Variants in SPIDR observed in about 807,000 individuals in gnomAD.
SPIDR encodes scaffold protein involved in DNA repair.
SPIDR carries 93 observed loss-of-function variants against 104.6 expected under a neutral mutation model. That is an observed-to-expected ratio of 0.89 (90% CI 0.75 to 1.06). The LOEUF (loss-of-function observed/expected upper bound fraction) is 1.06, where lower values mean the gene tolerates loss of function less well. Ranked by LOEUF, SPIDR falls within the 50% of genes least tolerant of loss-of-function variation. SPIDR has a pLI of 0.00. For missense variants in SPIDR, 1,154 were observed against 1,111.2 expected, an observed-to-expected ratio of 1.04 and a Z score of -0.55; for synonymous variants, 431 against 416.9, an observed-to-expected ratio of 1.03 and a Z score of -0.41.
In SPIDR at chr8:47,575,517, G is replaced by C. The variant is rs1233670985; in HGVS notation, c.1098-20294G>C. 2.0e-5 allele frequency among the ~76,000 whole-genome samples: 3 copies of C among 151,334 alleles called. No individual in the cohort carries two copies. The East Asian group carries it at 5.9e-4, about 30-fold the overall frequency. ...AAAAAATTAGCCGGGCGTGGTAGTG[G>C]GCGCCTGTAGTCCCAGCTACTCAGG... On this transcript the variant is annotated intron_variant, in intron 8 of 19. Coordinates refer to ENST00000297423, the MANE Select transcript of SPIDR (RefSeq NM_001080394.4).
intron 10 of SPIDR, among the ~76,000 whole-genome samples, chr8:47,673,155 A>C (rs2076005206): frequency 6.6e-6 from 1 of 152,238 alleles, no homozygotes; most frequent in South Asian, 2.1e-4. Context: ...AAATAAGAGG[A>C]TTGGAAATTC....
intron 8 of SPIDR, among the ~76,000 whole-genome samples, chr8:47,478,910 A>G (rs1473540185): frequency 6.6e-6 from 1 of 152,248 alleles, no homozygotes; most frequent in Non-Finnish European, 1.5e-5. Flanking sequence ...GTGTTTAATT[A>G]GCAGAGGCAC....
chr8:47,732,329 GCA>G (rs1483513094), intron 19 of SPIDR: 1 of 643,546 alleles, frequency 1.6e-6, no homozygotes, highest in Non-Finnish European at 2.8e-6. Context: ...GTGCATCAGA[GCA>G]CCTTTGCCCA....
intron 2 of SPIDR, among the ~76,000 whole-genome samples, chr8:47,282,919 G>A (rs2038088046): frequency 6.6e-6 from 1 of 151,440 alleles, no homozygotes; most frequent in African/African-American, 2.4e-5. Context: ...GCAATGGTGC[G>A]ATATTGGCTC....
Position 47,727,213 on chromosome 8 carries a change from C to T in SPIDR, c.2355C>T (p.Gly785=), listed in dbSNP as rs1006934478. The change falls in exon 17 of 20, where the codon GGC becomes GGT. Residue 785 remains glycine (G), a synonymous_variant. Transcript: ENST00000297423. ...SICSVQGTVV[G]VDESTAFSWP... ...TCTTGGGCCTAGGCACTGTGGTTGGCGTGGACGAGAGCACTGCTTTCTCAT... is the reference window on the plus strand; with the variant it reads ...TCTTGGGCCTAGGCACTGTGGTTGGTGTGGACGAGAGCACTGCTTTCTCAT... 48 of 1,614,034 alleles carry T rather than the reference C, an allele frequency of 3.0e-5. No homozygotes were observed. Among genetic ancestry groups the T allele is most frequent in the Non-Finnish European group, 3.8e-5 (45 of 1,179,972 alleles).
chr8:47,413,284 T>G (rs968008835), intron 7 of SPIDR, among the ~76,000 whole-genome samples: 2 of 152,252 alleles, frequency 1.3e-5, no homozygotes, highest in Non-Finnish European at 2.9e-5. Context: ...GCTAATTCTG[T>G]GAGGACTCTT....
chr8:47,417,941 T>C (rs914340254), intron 7 of SPIDR, among the ~76,000 whole-genome samples: 1 of 152,194 alleles, frequency 6.6e-6, no homozygotes, highest in Non-Finnish European at 1.5e-5. Context: ...TGTAGATATG[T>C]GGCATTATTT....
At chr8:47,471,469 G>T (rs183538553) in intron 8 of SPIDR, among the ~76,000 whole-genome samples, 3 of 151,868 alleles carry the variant, frequency 2.0e-5, no homozygotes, top group East Asian at 3.9e-4. Context: ...AATCAAAGCC[G>T]CAATGAAATA....
At chr8:47,582,835 CA>C (rs1564393918) in intron 8 of SPIDR, among the ~76,000 whole-genome samples, 1 of 121,410 alleles carries the variant, frequency 8.2e-6, no homozygotes, top group Non-Finnish European at 1.6e-5. Context: ...ATTACACACA[CA>C]CACACACACA....
intron 8 of SPIDR, chr8:47,592,636 G>C: frequency 9.3e-7 from 1 of 1,072,954 alleles, no homozygotes; most frequent in South Asian, 1.4e-5. Flanking sequence ...TCGGCCTCTG[G>C]TCTAGTCTCC....
intron 10 of SPIDR, chr8:47,659,754 T>G: frequency 1.0e-6 from 1 of 982,864 alleles, no homozygotes; most frequent in Non-Finnish European, 1.2e-6. Flanking sequence ...CACTTCATCC[T>G]CTGATTTCTT....
At chr8:47,457,805 C>T (rs1554710727) in intron 8 of SPIDR, among the ~76,000 whole-genome samples, 1 of 152,126 alleles carries the variant, frequency 6.6e-6, no homozygotes, top group East Asian at 1.9e-4. Flanking sequence ...CATTGTCTTA[C>T]ATTTGGCTTG....
chr8:47,675,452 A>T (rs896397107), intron 11 of SPIDR, among the ~76,000 whole-genome samples: 8 of 152,236 alleles, frequency 5.3e-5, no homozygotes, highest in African/African-American at 1.9e-4. Context: ...AAGCATGTCT[A>T]GATACGAGAA....
intron 5 of SPIDR, among the ~76,000 whole-genome samples, chr8:47,370,439 ATTTTTT>A (rs34220804): frequency 1.3e-4 from 13 of 99,078 alleles, no homozygotes; most frequent in Admixed American, 2.4e-4. Context: ...AGAGGTCAAG[ATTTTTT>A]TTTTTTTTTT....
intron 8 of SPIDR, among the ~76,000 whole-genome samples, chr8:47,488,489 T>C (rs990257174): frequency 2.6e-5 from 4 of 152,178 alleles, no homozygotes; most frequent in Admixed American, 2.0e-4. Flanking sequence ...GGAATCCTCC[T>C]TAACTTATTT....
In SPIDR at chr8:47,662,636, A is replaced by T. The variant is rs560934468; in HGVS notation, c.1545-11165A>T. ...TTCCAAGAGAAAATAATTTTTATCAAATTTTTAATTTTTCATAAATATGTT... is the reference window on the plus strand; with the variant it reads ...TTCCAAGAGAAAATAATTTTTATCATATTTTTAATTTTTCATAAATATGTT... On this transcript the variant is annotated intron_variant, in intron 10 of 19. Transcript: ENST00000297423. 1.1e-4 allele frequency among the ~76,000 whole-genome samples: 17 copies of T among 152,344 alleles called. No individual in the cohort carries two copies. In the South Asian group the frequency reaches 3.5e-3, roughly 32 times the overall value.
At chr8:47,405,291 CGTGTGTGTGTGT>C (rs34302817) in intron 6 of SPIDR, among the ~76,000 whole-genome samples, 8 of 145,004 alleles carry the variant, frequency 5.5e-5, no homozygotes, top group South Asian at 2.2e-4. Context: ...CAACATGGCA[CGTGTGTGTGTGT>C]GTGTGTGTGT....
intron 7 of SPIDR, among the ~76,000 whole-genome samples, chr8:47,435,953 G>A (rs1202387277): frequency 6.6e-6 from 1 of 152,182 alleles, no homozygotes; most frequent in Non-Finnish European, 1.5e-5. Context: ...AGTCACATGA[G>A]CAGCTAGCTT....
intron 5 of SPIDR, among the ~76,000 whole-genome samples, chr8:47,300,754 G>A (rs1554576727): frequency 2.0e-4 from 30 of 152,236 alleles, no homozygotes; most frequent in African/African-American, 4.6e-4. Flanking sequence ...GTAGTTGAGC[G>A]GTTTTGAGTG....
Sources: gnomAD v4.1 joint callset for allele counts (sites outside exome capture counted in the v4.1 genomes callset) on GRCh38, gnomAD v4.1.1 for gene constraint, MANE v1.5 for transcripts, NCBI Gene and HGNC (gene_info 2026-07-23, HGNC 2026-07-21) for gene names.